Variants in SOX5 observed in about 807,000 individuals in gnomAD.
SOX5 encodes the protein transcription factor SOX-5.
A neutral mutation model predicts 92.0 loss-of-function variants in SOX5; 9 were observed. That is an observed-to-expected ratio of 0.10 (90% CI 0.06 to 0.17). The LOEUF (loss-of-function observed/expected upper bound fraction) is 0.17, where lower values mean the gene tolerates loss of function less well. Ranked by LOEUF, SOX5 falls within the 10% of genes least tolerant of loss-of-function variation. The pLI is 1.00. For synonymous variants in SOX5, 344 were observed against 336.3 expected, an observed-to-expected ratio of 1.02 and a Z score of -0.25; for missense variants, 642 against 944.5, an observed-to-expected ratio of 0.68 and a Z score of 4.20.
intron 2 of SOX5, among the ~76,000 whole-genome samples, chr12:24,279,674 GGTT>G (rs1236340888): frequency 6.6e-6 from 1 of 151,642 alleles, no homozygotes; most frequent in East Asian, 1.9e-4. Context: ...CAATATCTTA[GGTT>G]GTTAAGACTC....
intron 4 of SOX5, among the ~76,000 whole-genome samples, chr12:24,036,709 G>A (rs942090125): frequency 6.6e-6 from 1 of 152,048 alleles, no homozygotes; most frequent in Admixed American, 6.6e-5. Flanking sequence ...TCTACAAACT[G>A]TGGACTCAGT....
intron 1 of SOX5, among the ~76,000 whole-genome samples, chr12:23,900,286 C>T (rs997207390): frequency 6.6e-6 from 1 of 152,194 alleles, no homozygotes; most frequent in South Asian, 2.1e-4. Context: ...CCTTTACTTC[C>T]CCTTGTAGCA....
At chr12:24,253,583 T>C (rs1357284723) in intron 3 of SOX5, among the ~76,000 whole-genome samples, 1 of 152,178 alleles carries the variant, frequency 6.6e-6, no homozygotes, top group Admixed American at 6.5e-5. Context: ...AACCCCCATA[T>C]AAATATCTTT....
At chr12:24,518,073 CT>C (rs59086253) in intron 1 of SOX5, among the ~76,000 whole-genome samples, 96,122 of 145,976 alleles carry the variant, frequency 0.66, 32,827 homozygotes, top group East Asian at 0.97. Flanking sequence ...ACACTTTAGA[CT>C]TTTTTTTTTT....
intron 4 of SOX5, among the ~76,000 whole-genome samples, chr12:24,046,044 C>T (rs1956986126): frequency 6.6e-6 from 1 of 152,196 alleles, no homozygotes; most frequent in Admixed American, 6.5e-5. Context: ...TTGCTTTTGG[C>T]TCAGTCCCTT....
chr12:24,151,836 G>T (rs571782402), intron 4 of SOX5, among the ~76,000 whole-genome samples: 2 of 151,914 alleles, frequency 1.3e-5, no homozygotes, highest in African/African-American at 4.8e-5. Context: ...TTGAAAGTGA[G>T]TTCATAGAAT....
chr12:23,896,214 C>T (rs968023609), intron 1 of SOX5, among the ~76,000 whole-genome samples, 190 bp from the exon 2 acceptor site: 2 of 152,150 alleles, frequency 1.3e-5, no homozygotes, highest in Non-Finnish European at 2.9e-5. Flanking sequence ...CAGAACAGTG[C>T]TTGTTTGTTG....
At position 24,295,782 on chromosome 12, in the gene SOX5, G is replaced by A. The variant is rs911865472; in HGVS notation, c.-173-18470C>T. 3.3e-5 allele frequency among the ~76,000 whole-genome samples: 5 copies of A among 152,124 alleles called. No individual in the cohort carries two copies. In the South Asian group the frequency reaches 6.2e-4, roughly 19 times the overall value. On this transcript the variant is annotated intron_variant, in intron 2 of 4. Transcript: ENST00000446891. ...GAGATTTTACCATGTTGGCCAGGCC[G>A]GTTTTGAACTCCTGACCTCAAGTGA...
chr12:24,152,353 G>A (rs974840492), intron 4 of SOX5, among the ~76,000 whole-genome samples: 8 of 152,010 alleles, frequency 5.3e-5, no homozygotes, highest in African/African-American at 1.2e-4. Flanking sequence ...GTTTTTATCC[G>A]GTAGGTTTTA....
intron 3 of SOX5, among the ~76,000 whole-genome samples, chr12:23,838,846 G>C (rs1388002272): frequency 1.0e-5 from 1 of 95,734 alleles, no homozygotes; most frequent in Non-Finnish European, 2.2e-5. Flanking sequence ...TTTTTTTTGG[G>C]GGGGGGGGGC....
rs898775528 is a variant in SOX5 at position 24,190,048 on chromosome 12, T to TA, written c.-2+23294dup. On this transcript the variant is annotated intron_variant, in intron 4 of 4. Transcript: ENST00000446891. ...TGTTTCATGTAGACAATGAGAAAAA[T>TA]AAAAAAAGTTTCATGTATTATTCAC... 4.8e-4 allele frequency among the ~76,000 whole-genome samples: 73 copies of TA among 152,096 alleles called. 1 individual carries two copies. The highest frequency in any genetic ancestry group is 4.6e-3 in the Admixed American group (71 of 15,276).
chr12:24,192,058 T>C (rs1956579505), intron 4 of SOX5, among the ~76,000 whole-genome samples: 1 of 152,222 alleles, frequency 6.6e-6, no homozygotes, highest in African/African-American at 2.4e-5. Flanking sequence ...CTTTACAAGG[T>C]ATAGTATTTG....
intron 4 of SOX5, among the ~76,000 whole-genome samples, chr12:24,060,461 T>C (rs911921579): frequency 1.3e-5 from 2 of 152,230 alleles, no homozygotes; most frequent in Non-Finnish European, 2.9e-5. Context: ...ACACTCCATA[T>C]ATTTGCTATG....
chr12:23,683,631 C>T lies in SOX5; in HGVS notation c.811-18067G>A, dbSNP rs185756168. Among the ~76,000 whole-genome samples the T allele has an allele frequency of 2.3e-3, 357 of 151,992 alleles. 1 individual carries two copies. Among genetic ancestry groups the T allele is most frequent in the Middle Eastern group, 0.014 (4 of 294 alleles). ...CTTTAGTATGTAAATGGTTCACCTGCAAAGATTTAACAGGAGAAAAAACTC... is the reference window on the plus strand; with the variant it reads ...CTTTAGTATGTAAATGGTTCACCTGTAAAGATTTAACAGGAGAAAAAACTC... On this transcript the variant is annotated intron_variant, in intron 6 of 14. Transcript: ENST00000451604.
intron 1 of SOX5, among the ~76,000 whole-genome samples, chr12:23,943,903 G>A (rs913765942): frequency 6.6e-6 from 1 of 151,926 alleles, no homozygotes; most frequent in South Asian, 2.1e-4. Context: ...CATAATGACC[G>A]GAAAATGATA....
At chr12:24,529,480 T>C (rs1281102392) in intron 1 of SOX5, among the ~76,000 whole-genome samples, 2 of 152,030 alleles carry the variant, frequency 1.3e-5, no homozygotes, top group Non-Finnish European at 2.9e-5. Context: ...GAAAAGAAAA[T>C]ATACACATCA....
At chr12:23,695,556 T>G (rs2089662361) in intron 6 of SOX5, among the ~76,000 whole-genome samples, 1 of 152,190 alleles carries the variant, frequency 6.6e-6, no homozygotes, top group Admixed American at 6.5e-5. Flanking sequence ...ATAATGATTC[T>G]ATTGATAATG....
At chr12:24,447,949 G>A (rs1170007363) in intron 1 of SOX5, among the ~76,000 whole-genome samples, 1 of 152,124 alleles carries the variant, frequency 6.6e-6, no homozygotes, top group Admixed American at 6.5e-5. Context: ...GGGTGGCCAA[G>A]GCGGGTAGAT....
intron 1 of SOX5, among the ~76,000 whole-genome samples, chr12:24,418,339 C>T (rs1965373897): frequency 6.6e-6 from 1 of 152,200 alleles, no homozygotes; most frequent in Non-Finnish European, 1.5e-5. Context: ...TCCCATCCTC[C>T]TTGCCAGTGA....
Sources: allele counts gnomAD v4.1 joint callset (sites outside exome capture counted in the v4.1 genomes callset), GRCh38; gene constraint gnomAD v4.1.1; transcripts MANE v1.5; gene names NCBI Gene and HGNC (gene_info 2026-07-23, HGNC 2026-07-21).